Variants in PPARD observed in about 807,000 individuals in gnomAD.
PPARD encodes peroxisome proliferator-activated receptor delta.
A neutral mutation model predicts 39.5 loss-of-function variants in PPARD; 6 were observed. The observed-to-expected ratio is 0.15, with a 90% CI of 0.08 to 0.30. PPARD has a LOEUF of 0.30. Among genes scored for constraint, PPARD ranks in the 10% least tolerant of loss-of-function variants. The pLI is 1.00. For missense variants in PPARD, 397 were observed against 596.8 expected (o/e 0.67, Z 3.49); for synonymous variants, 210 against 231.3 (o/e 0.91, Z 0.83).
intron 2 of PPARD, among the ~76,000 whole-genome samples, chr6:35,408,586 G>T (rs1765213144): frequency 6.6e-6 from 1 of 152,180 alleles, no homozygotes; most frequent in Non-Finnish European, 1.5e-5. Flanking sequence ...TCCCTGCAAT[G>T]CAGTGTAAAT....
chr6:35,419,117 A>G (rs1312460700), intron 3 of PPARD, among the ~76,000 whole-genome samples: 1 of 151,928 alleles, frequency 6.6e-6, no homozygotes, highest in Non-Finnish European at 1.5e-5. Context: ...ATCCCCTTCT[A>G]CTCAAAATGG....
At chr6:35,394,636 T>C (rs1562202881) in intron 2 of PPARD, among the ~76,000 whole-genome samples, 1 of 151,832 alleles carries the variant, frequency 6.6e-6, no homozygotes, top group East Asian at 1.9e-4. Flanking sequence ...CTGGGTGTGG[T>C]GGTGCGTACC....
chr6:35,381,808 G>T (rs763400561), intron 2 of PPARD, among the ~76,000 whole-genome samples: 25 of 152,168 alleles, frequency 1.6e-4, no homozygotes, highest in Non-Finnish European at 2.6e-4. Flanking sequence ...AATTAGCAAG[G>T]TCTGCCGCCA....
rs201920707 is a variant in PPARD at position 35,396,073 on chromosome 6, CCTCCCTGT to C, written c.-101-14909_-101-14902del. On this transcript the variant is annotated intron_variant, in intron 2 of 7. Coordinates refer to ENST00000360694, the MANE Select transcript of PPARD (RefSeq NM_006238.5). ...CTTACCCAGCCTTTTCCATTCCCTG[CCTCCCTGT>C]CTCCTTCTTTCTTTCTCCATCTTCC... is the stretch of plus-strand genomic sequence containing the variant. Among the ~76,000 whole-genome samples, 1,370 of 152,144 alleles carry C rather than the reference CCTCCCTGT, an allele frequency of 9.0e-3. 26 individuals are homozygous for C. Among genetic ancestry groups the C allele is most frequent in the African/African-American group, 0.028 (1,159 of 41,482 alleles).
chr6:35,411,342 C>T (rs1219481149), intron 3 of PPARD, 125 bp downstream of exon 3: 24 of 1,227,146 alleles, frequency 2.0e-5, no homozygotes, highest in Non-Finnish European at 2.4e-5. Context: ...GGACTGGAGC[C>T]GGAAGCCTGG....
chr6:35,418,439 A>G (rs985426844), intron 3 of PPARD, among the ~76,000 whole-genome samples: 7 of 152,178 alleles, frequency 4.6e-5, no homozygotes, highest in African/African-American at 1.4e-4. Context: ...ATGTGCAGAG[A>G]GCTATCGCGT....
At chr6:35,362,370 C>T (rs926907137) in intron 2 of PPARD, among the ~76,000 whole-genome samples, 20 of 151,748 alleles carry the variant, frequency 1.3e-4, no homozygotes, top group African/African-American at 4.1e-4. Flanking sequence ...TGAAGTCTTA[C>T]TCTGCCTCTC....
chr6:35,373,083 A>G (rs987724836), intron 2 of PPARD, among the ~76,000 whole-genome samples: 6 of 152,184 alleles, frequency 3.9e-5, no homozygotes, highest in Admixed American at 3.9e-4. Context: ...GTGTCCTTAC[A>G]TGGCAGAAGG....
chr6:35,398,074 A>G (rs906234397), intron 2 of PPARD, among the ~76,000 whole-genome samples: 9 of 152,168 alleles, frequency 5.9e-5, no homozygotes, highest in Non-Finnish European at 1.2e-4. Context: ...CAGGGGTACC[A>G]GTTCCAGAAG....
chr6:35,400,047 C>G (rs1251900005), intron 2 of PPARD, among the ~76,000 whole-genome samples: 2 of 152,186 alleles, frequency 1.3e-5, no homozygotes, highest in Admixed American at 6.5e-5. Flanking sequence ...AACTTGAGAT[C>G]CCTGGGTTCT....
chr6:35,350,373 T>A (rs2150430227), intron 2 of PPARD, among the ~76,000 whole-genome samples: 1 of 152,318 alleles, frequency 6.6e-6, no homozygotes, highest in South Asian at 2.1e-4. Flanking sequence ...CTTGTAGTAC[T>A]TTCATGGTTT....
In PPARD at chr6:35,387,713, A is replaced by G. The variant is rs577502167; in HGVS notation, c.-101-23274A>G. Among the ~76,000 whole-genome samples the G allele has an allele frequency of 5.7e-5, 7 of 123,216 alleles. No individual in the cohort carries two copies. In the East Asian group the frequency reaches 1.2e-3, roughly 21 times the overall value. 80.8% of individuals were successfully genotyped at this position (123,216 alleles called of 152,430 possible). ...ATATCAGCATATACAGATACACTGC[A>G]TTCTTTTTTTTTTTTTTTTTTTTTT... is the stretch of plus-strand genomic sequence containing the variant. On this transcript the variant is annotated intron_variant, in intron 2 of 7. Transcript: ENST00000360694.
At position 35,363,412 on chromosome 6, in the gene PPARD, C is replaced by T. The variant is rs1210120409; in HGVS notation, c.-102+16262C>T. Among the ~76,000 whole-genome samples the T allele has an allele frequency of 3.9e-5, 6 of 152,190 alleles. No homozygotes were observed. The East Asian group carries it at 5.8e-4, about 15-fold the overall frequency. On this transcript the variant is annotated intron_variant, in intron 2 of 7. Coordinates refer to ENST00000360694, the MANE Select transcript of PPARD (RefSeq NM_006238.5). The surrounding 1 kb of genome is among the most constrained non-coding windows in gnomAD (Gnocchi z 4.5). ...TACGTCCCCTCAAAGCCTGCGCCAC[C>T]GCCTCTCCCTTCACCACTCCCAAGC...
intron 2 of PPARD, among the ~76,000 whole-genome samples, chr6:35,370,262 T>C (rs540624742): frequency 9.2e-5 from 14 of 152,284 alleles, no homozygotes; most frequent in South Asian, 8.3e-4. Flanking sequence ...CGGGTCCTCA[T>C]TGTGGCTCCG....
intron 2 of PPARD, among the ~76,000 whole-genome samples, chr6:35,394,677 G>T (rs1764208683): frequency 6.6e-6 from 1 of 151,706 alleles, no homozygotes; most frequent in Admixed American, 6.6e-5. Context: ...AGGCTGAGGT[G>T]GGAGAATCAC....
At chr6:35,377,853 C>T (rs1055381808) in intron 2 of PPARD, among the ~76,000 whole-genome samples, 27 of 125,512 alleles carry the variant, frequency 2.2e-4, no homozygotes, top group African/African-American at 1.1e-3. Context: ...CTCTGTGGGT[C>T]GCTGCTTGTT....
intron 2 of PPARD, among the ~76,000 whole-genome samples, chr6:35,364,391 C>T (rs1015109760): frequency 6.7e-6 from 1 of 149,202 alleles, no homozygotes; most frequent in Non-Finnish European, 1.5e-5. Context: ...TGGGAATATA[C>T]TTAGTGAAAT....
chr6:35,417,951 G>A (rs1765884047), intron 3 of PPARD, among the ~76,000 whole-genome samples: 1 of 152,200 alleles, frequency 6.6e-6, no homozygotes, highest in Admixed American at 6.5e-5. Flanking sequence ...GTCACGTGCA[G>A]TGCCAACAGA....
Position 35,377,871 on chromosome 6 carries a change from C to CTTTTTTTTTTTTTTTTTTTTTTT in PPARD, c.-102+30732_-102+30733insTTTTTTTTTTTTTTTTTTTTTTT, listed in dbSNP as rs540687692. On this transcript the variant is annotated intron_variant, in intron 2 of 7. Coordinates refer to ENST00000360694, the MANE Select transcript of PPARD (RefSeq NM_006238.5). The stretch of plus-strand genomic sequence containing the variant: ...TGTGGGTCGCTGCTTGTTTACGTAT[C>CTTTTTTTTTTTTTTTTTTTTTTT]TTTTTTTTTTTGAGACAGAGTGTTG... Among the ~76,000 whole-genome samples the CTTTTTTTTTTTTTTTTTTTTTTT allele has an allele frequency of 4.0e-3, 481 of 120,230 alleles. 31 individuals carry two copies. Among genetic ancestry groups the CTTTTTTTTTTTTTTTTTTTTTTT allele is most frequent in the African/African-American group, 9.6e-3 (219 of 22,788 alleles). The allele number at this position is 120,230 out of a possible 152,430, so 78.9% of individuals were successfully genotyped here. A position where few individuals can be genotyped will look rare whatever the true frequency, so the allele number is the denominator to read the frequency against.
Sources: gnomAD v4.1 joint callset for allele counts (sites outside exome capture counted in the v4.1 genomes callset) on GRCh38, gnomAD v4.1.1 for gene constraint, Gnocchi (gnomAD v3.1) non-coding constraint, MANE v1.5 for transcripts, NCBI Gene and HGNC (gene_info 2026-07-23, HGNC 2026-07-21) for gene names.